PCDHGA10: variants seen among roughly 807,000 people sequenced by gnomAD.
PCDHGA10 encodes protocadherin gamma-A10.
PCDHGA10 carries 42 observed loss-of-function variants against 59.5 expected under a neutral mutation model. The ratio of observed to expected loss-of-function variants is 0.71; its 90% CI spans 0.55 to 0.91. PCDHGA10 has a LOEUF of 0.91. Among genes scored for constraint, PCDHGA10 ranks in the 40% least tolerant of loss-of-function variants. PCDHGA10 has a pLI of 0.00. For missense variants in PCDHGA10, 1,111 were observed against 1,198.2 expected (o/e 0.93, Z 1.07); for synonymous variants, 511 against 517.2 (o/e 0.99, Z 0.16).
In PCDHGA10 at chr5:141,417,676, C is replaced by G. The variant is rs902104404; in HGVS notation, c.2436+2065C>G. The G allele has an allele frequency of 1.7e-5, 17 of 993,450 alleles. No individual in the cohort carries two copies. The African/African-American group carries it at 2.8e-4, about 16-fold the overall frequency. The allele number at this position is 993,450 out of a possible 1,614,324, so 61.5% of individuals were successfully genotyped here. ...AGCCTGGGATTCCCTGCGCAGCCAACAACAGAAAAGAAAACCAGCTCCCAC... is the reference window on the plus strand; with the variant it reads ...AGCCTGGGATTCCCTGCGCAGCCAAGAACAGAAAAGAAAACCAGCTCCCAC... On this transcript the variant is annotated intron_variant, in intron 1 of 3. Transcript: ENST00000398610.
At chr5:141,417,703 C>A in intron 1 of PCDHGA10, 1 of 1,205,130 alleles carries the variant, frequency 8.3e-7, no homozygotes, top group Non-Finnish European at 1.1e-6. Context: ...AGCTCCCACA[C>A]AGAGGCTCCC....
At position 141,413,838 on chromosome 5, in the gene PCDHGA10, G is replaced by A; in HGVS notation, c.663G>A (p.Gly221=). 6.2e-7 allele frequency: 1 copy of A among 1,613,284 alleles called. No individual in the cohort carries two copies. The highest frequency in any genetic ancestry group is 8.5e-7 in the Non-Finnish European group (1 of 1,179,862). The change falls in exon 1 of 4, where the codon GGG becomes GGA. Residue 221 remains glycine (G), a synonymous_variant. Coordinates refer to ENST00000398610, the MANE Select transcript of PCDHGA10 (RefSeq NM_018913.3). ...ACCTGGTCCTCACCGCCTCCGACGG[G>A]GGTGACCCTCTCCGATCTGGCACTG... is the stretch of plus-strand genomic sequence containing the variant. ...IHHLVLTASD[G]GDPLRSGTVL...
At position 141,414,406 on chromosome 5, in the gene PCDHGA10, C is replaced by T. The variant is rs1315007586; in HGVS notation, c.1231C>T (p.His411Tyr). The stretch of plus-strand genomic sequence containing the variant: ...TGACAGTTATTACAGATTGGTGATA[C>T]ACAGAGCCCTTGACAGGGAACAGGT... Reference protein sequence around the residue: ...SIDSYYRLVIHRALDREQVSS... With the variant: ...SIDSYYRLVIYRALDREQVSS... The change falls in exon 1 of 4, where the codon CAC becomes TAC. Residue 411 changes from histidine to tyrosine, a missense_variant. Coordinates refer to ENST00000398610, the MANE Select transcript of PCDHGA10 (RefSeq NM_018913.3). 6 of 1,613,764 alleles carry T rather than the reference C, an allele frequency of 3.7e-6. No individual in the cohort carries two copies. Among genetic ancestry groups the T allele is most frequent in the African/African-American group, 2.7e-5 (2 of 74,908 alleles).
intron 2 of PCDHGA10, 88 bp from the exon 3 acceptor site, chr5:141,505,305 C>G (rs1363643214): frequency 1.0e-5 from 16 of 1,595,104 alleles, no homozygotes; most frequent in African/African-American, 2.7e-5. Flanking sequence ...GGTTAGGGTA[C>G]TAGGTTTGGG....
At chr5:141,495,452 C>T (rs543717781) in intron 2 of PCDHGA10, among the ~76,000 whole-genome samples, 1 of 152,356 alleles carries the variant, frequency 6.6e-6, no homozygotes, top group Non-Finnish European at 1.5e-5. Context: ...TTGTCCTGCT[C>T]TCTGTCTGTG....
At chr5:141,433,869 T>C (rs1293077938) in intron 1 of PCDHGA10, among the ~76,000 whole-genome samples, 8 of 151,960 alleles carry the variant, frequency 5.3e-5, no homozygotes, top group Non-Finnish European at 7.4e-5. Flanking sequence ...TATCCTCTAG[T>C]TTCATCCATT....
chr5:141,490,317 C>A lies in PCDHGA10; in HGVS notation c.2437-4490C>A, dbSNP rs2233604. ...TATTGGCCTCTTTGGCCAACCCTGT[C>A]CTAGAGAGCACACCAGTGGGCACAG... On this transcript the variant is annotated intron_variant, in intron 1 of 3. Coordinates refer to ENST00000398610, the MANE Select transcript of PCDHGA10 (RefSeq NM_018913.3). The surrounding 1 kb of genome is among the most constrained non-coding windows in gnomAD (Gnocchi z 5.4). 32,069 of 1,614,158 alleles carry A rather than the reference C, an allele frequency of 0.02. 521 individuals carry two copies. Among genetic ancestry groups the A allele is most frequent in the African/African-American group, 0.081 (6,098 of 75,022 alleles).
rs2099426122 is a variant in PCDHGA10 at position 141,477,960 on chromosome 5, A to C, written c.2437-16847A>C. On this transcript the variant is annotated intron_variant, in intron 1 of 3. Coordinates refer to ENST00000398610, the MANE Select transcript of PCDHGA10 (RefSeq NM_018913.3). This position sits in a 1 kb window ranked among gnomAD's most constrained non-coding sequence, Gnocchi z 4.9. ...TCCTACAGTCTCTTGGGATCCCCTAACCAGAGCCTTTTTGCCATAGGGCTG... is the reference window on the plus strand; with the variant it reads ...TCCTACAGTCTCTTGGGATCCCCTACCCAGAGCCTTTTTGCCATAGGGCTG... 1 of 1,613,952 alleles carries C rather than the reference A, an allele frequency of 6.2e-7. No individual in the cohort carries two copies. Among genetic ancestry groups the C allele is most frequent in the African/African-American group, 1.3e-5 (1 of 74,922 alleles).
intron 1 of PCDHGA10, among the ~76,000 whole-genome samples, chr5:141,481,913 CAAAAAAA>C (rs34114744): frequency 2.2e-5 from 2 of 90,812 alleles, no homozygotes; most frequent in Admixed American, 1.2e-4. Context: ...AACTCCATCT[CAAAAAAA>C]AAAAAAAAAA....
At chr5:141,450,211 T>TTTCA (rs1038674129) in intron 1 of PCDHGA10, among the ~76,000 whole-genome samples, 23 of 152,166 alleles carry the variant, frequency 1.5e-4, no homozygotes, top group African/African-American at 4.3e-4. Flanking sequence ...AGAGACAAGG[T>TTTCA]TTCACTATGT....
intron 3 of PCDHGA10, 79 bp downstream of exon 3, chr5:141,505,560 G>A: frequency 6.2e-7 from 1 of 1,604,768 alleles, no homozygotes; most frequent in South Asian, 1.1e-5. Context: ...CATGCCCACG[G>A]ACTGGATGTC....
chr5:141,431,513 C>G lies in PCDHGA10; in HGVS notation c.2436+15902C>G. ...TCAGCCCGAGTACCGCGCGAGCGTT[C>G]CGGAGAATCTGGCCTTGGGCACGCA... On this transcript the variant is annotated intron_variant, in intron 1 of 3. Transcript: ENST00000398610. The surrounding 1 kb of genome is among the most constrained non-coding windows in gnomAD (Gnocchi z 4.8). 6.2e-7 allele frequency: 1 copy of G among 1,614,022 alleles called. No homozygotes were observed. Among genetic ancestry groups the G allele is most frequent in the South Asian group, 1.1e-5 (1 of 91,088 alleles).
At position 141,485,929 on chromosome 5, in the gene PCDHGA10, G is replaced by A; in HGVS notation, c.2437-8878G>A. 1 of 1,614,150 alleles carries A rather than the reference G, an allele frequency of 6.2e-7. No homozygotes were observed. The highest frequency in any genetic ancestry group is 8.5e-7 in the Non-Finnish European group (1 of 1,180,036). ...AATCCAGCTACAGGATTAGTGTGTT[G>A]GAGAGCGCACCAGCGGGCATGGTGC... On this transcript the variant is annotated intron_variant, in intron 1 of 3. Coordinates refer to ENST00000398610, the MANE Select transcript of PCDHGA10 (RefSeq NM_018913.3). This position sits in a 1 kb window ranked among gnomAD's most constrained non-coding sequence, Gnocchi z 5.7.
At chr5:141,450,702 G>A (rs1466981422) in intron 1 of PCDHGA10, among the ~76,000 whole-genome samples, 1 of 152,026 alleles carries the variant, frequency 6.6e-6, no homozygotes, top group Non-Finnish European at 1.5e-5. Flanking sequence ...GCCCAGGATG[G>A]TCTCCAACTC....
intron 1 of PCDHGA10, chr5:141,430,838 G>A (rs866767896): frequency 2.6e-6 from 4 of 1,562,908 alleles, no homozygotes; most frequent in Non-Finnish European, 3.5e-6. Context: ...GTGGGAGACC[G>A]GATGCACCCA....
At chr5:141,419,901 C>A (rs2096446114) in intron 1 of PCDHGA10, 5 of 1,614,108 alleles carry the variant, frequency 3.1e-6, no homozygotes, top group Non-Finnish European at 4.2e-6. Flanking sequence ...CATCCCACAC[C>A]CTCTGACTCC....
rs2099883748 is a variant in PCDHGA10 at position 141,511,359 on chromosome 5, T to A, written c.*186T>A. On this transcript the variant is annotated 3_prime_UTR_variant, in exon 4 of 4. Transcript: ENST00000398610. ...CACCTACCCCTTCCCCCCCAGGGGGTTGAATATGCAAAAGCAGTTCCGCTG... is the reference window on the plus strand; with the variant it reads ...CACCTACCCCTTCCCCCCCAGGGGGATGAATATGCAAAAGCAGTTCCGCTG... 2 of 1,339,338 alleles carry A rather than the reference T, an allele frequency of 1.5e-6. No individual in the cohort carries two copies. Among genetic ancestry groups the A allele is most frequent in the Non-Finnish European group, 2.0e-6 (2 of 1,000,492 alleles). The allele number at this position is 1,339,338 out of a possible 1,614,324, so 83.0% of individuals were successfully genotyped here. A position where few individuals can be genotyped will look rare whatever the true frequency, so the allele number is the denominator to read the frequency against.
chr5:141,477,180 C>T lies in PCDHGA10; in HGVS notation c.2437-17627C>T. On this transcript the variant is annotated intron_variant, in intron 1 of 3. Coordinates refer to ENST00000398610, the MANE Select transcript of PCDHGA10 (RefSeq NM_018913.3). This position sits in a 1 kb window ranked among gnomAD's most constrained non-coding sequence, Gnocchi z 4.9. ...GACAACGCCCCGGAGATCACAGTCA[C>T]CTCCGTGTACAGCCCAGTACCCGAG... 1 of 1,614,196 alleles carries T rather than the reference C, an allele frequency of 6.2e-7. No homozygotes were observed. The highest frequency in any genetic ancestry group is 8.5e-7 in the Non-Finnish European group (1 of 1,180,032).
At chr5:141,473,974 C>A (rs958240236) in intron 1 of PCDHGA10, among the ~76,000 whole-genome samples, 1 of 152,054 alleles carries the variant, frequency 6.6e-6, no homozygotes, top group Non-Finnish European at 1.5e-5. Flanking sequence ...AAGTCTGAGG[C>A]GGGAGGATCC....
Sources: gnomAD v4.1 joint callset for allele counts (sites outside exome capture counted in the v4.1 genomes callset) on GRCh38, gnomAD v4.1.1 for gene constraint, Gnocchi (gnomAD v3.1) non-coding constraint, MANE v1.5 for transcripts, NCBI Gene and HGNC (gene_info 2026-07-23, HGNC 2026-07-21) for gene names.